The following PGAP4 variants were observed in gnomAD, a reference collection of about 807,000 sequenced individuals.
The protein encoded by PGAP4 is GPI-N-acetylgalactosamine transferase PGAP4.
In PGAP4, 12 loss-of-function variants were observed where a neutral mutation model predicts 28.2. The observed-to-expected ratio is 0.42, with a 90% confidence interval of 0.27 to 0.69. PGAP4 has a LOEUF of 0.69. Ranked by LOEUF, PGAP4 falls within the 30% of genes least tolerant of loss-of-function variation. The pLI, the probability that PGAP4 is intolerant of heterozygous loss-of-function variation, is 0.22. For synonymous variants in PGAP4, 205 were observed against 211.8 expected (o/e 0.97, Z 0.28); for missense variants, 425 against 513.5 (o/e 0.83, Z 1.67).
intron 2 of PGAP4, among the ~76,000 whole-genome samples, chr9:101,515,296 C>T (rs937959331): frequency 6.6e-6 from 1 of 152,262 alleles, no homozygotes; most frequent in South Asian, 2.1e-4. Context: ...ATTACATCAC[C>T]TCTTTCTTCT....
At chr9:101,495,881 G>A (rs942930482) in intron 2 of PGAP4, among the ~76,000 whole-genome samples, 2 of 151,126 alleles carry the variant, frequency 1.3e-5, no homozygotes, top group Non-Finnish European at 3.0e-5. Flanking sequence ...CCCATAGTGT[G>A]ATTACGTTTC....
intron 2 of PGAP4, among the ~76,000 whole-genome samples, chr9:101,519,325 T>A (rs796391935): frequency 1.4e-4 from 21 of 152,244 alleles, no homozygotes; most frequent in African/African-American, 4.8e-4. Context: ...GCCCAGCTAA[T>A]TTTTTTGTAT....
intron 2 of PGAP4, among the ~76,000 whole-genome samples, chr9:101,500,526 A>G (rs560624904): frequency 2.2e-4 from 31 of 143,844 alleles, no homozygotes; most frequent in Admixed American, 5.6e-4. Context: ...CATTTGCAAG[A>G]CTTGTTTTTT....
chr9:101,521,549 G>T (rs986201560), intron 2 of PGAP4, among the ~76,000 whole-genome samples: 1 of 152,092 alleles, frequency 6.6e-6, no homozygotes, highest in African/African-American at 2.4e-5. Context: ...AGTGGTGTCA[G>T]TTGTAATATC....
intron 2 of PGAP4, among the ~76,000 whole-genome samples, chr9:101,521,954 T>C (rs1167835587): frequency 6.6e-6 from 1 of 152,214 alleles, no homozygotes; most frequent in African/African-American, 2.4e-5. Context: ...ATTTCCATCT[T>C]GATTTCATTT....
At chr9:101,526,636 A>T (rs1318099425) in intron 2 of PGAP4, among the ~76,000 whole-genome samples, 1 of 152,010 alleles carries the variant, frequency 6.6e-6, no homozygotes, top group Non-Finnish European at 1.5e-5. Context: ...TTTAGTAGAG[A>T]TGGGGTTTCA....
intron 2 of PGAP4, among the ~76,000 whole-genome samples, chr9:101,521,163 A>G (rs1241019596): frequency 1.3e-5 from 2 of 152,134 alleles, no homozygotes; most frequent in African/African-American, 2.4e-5. Context: ...CATCAAGGAT[A>G]TCAGTCTGTA....
At chr9:101,500,961 C>T (rs1273103055) in intron 2 of PGAP4, among the ~76,000 whole-genome samples, 1 of 152,048 alleles carries the variant, frequency 6.6e-6, no homozygotes, top group African/African-American at 2.4e-5. Flanking sequence ...TCCTTAAATT[C>T]TATTCCAGTG....
chr9:101,477,749 T>C (rs1240436167), intron 1 of PGAP4, among the ~76,000 whole-genome samples: 1 of 152,260 alleles, frequency 6.6e-6, no homozygotes, highest in Non-Finnish European at 1.5e-5. Flanking sequence ...ACAACTATAC[T>C]TAACATTGCA....
chr9:101,489,653 T>C (rs1032553768), upstream of PGAP4, among the ~76,000 whole-genome samples: 1 of 152,126 alleles, frequency 6.6e-6, no homozygotes, highest in Non-Finnish European at 1.5e-5. Context: ...TGCCATCTTA[T>C]CTCCTGCTAG....
At chr9:101,525,746 G>A (rs1438184040) in intron 2 of PGAP4, among the ~76,000 whole-genome samples, 3 of 144,266 alleles carry the variant, frequency 2.1e-5, no homozygotes, top group South Asian at 2.3e-4. Context: ...GAAAATAAAT[G>A]TTATGCATAT....
At chr9:101,513,238 C>G (rs987574298) in intron 2 of PGAP4, among the ~76,000 whole-genome samples, 1 of 152,128 alleles carries the variant, frequency 6.6e-6, no homozygotes, top group Non-Finnish European at 1.5e-5. Flanking sequence ...TCTGCAATTG[C>G]TCATAAACCT....
intron 1 of PGAP4, among the ~76,000 whole-genome samples, chr9:101,477,835 T>C (rs558567547): frequency 3.1e-4 from 47 of 152,058 alleles, no homozygotes; most frequent in African/African-American, 1.1e-3. Flanking sequence ...GTATTTCCCA[T>C]AAGCAAGCAA....
chr9:101,508,157 A>G (rs543216417), intron 2 of PGAP4, among the ~76,000 whole-genome samples: 2 of 142,066 alleles, frequency 1.4e-5, no homozygotes, highest in African/African-American at 5.3e-5. Flanking sequence ...ATGGATCTTA[A>G]TGTTAAAGAT....
At chr9:101,492,833 C>T (rs532133765) in intron 2 of PGAP4, among the ~76,000 whole-genome samples, 14 of 152,050 alleles carry the variant, frequency 9.2e-5, no homozygotes, top group Non-Finnish European at 1.8e-4. Flanking sequence ...TGTCTTTTTG[C>T]TTCAGGAGTT....
rs1436503435 is a variant in PGAP4, at chr9:101,495,190, A to G, written c.-164-5990T>C. Among the ~76,000 whole-genome samples the G allele has an allele frequency of 6.1e-5, 6 of 98,060 alleles. No homozygotes were observed. The East Asian group carries it at 1.6e-3, about 26-fold the overall frequency. 64.3% of individuals were successfully genotyped at this position (98,060 alleles called of 152,430 possible). On this transcript the variant is annotated intron_variant, in intron 2 of 3. Transcript: ENST00000374851. ...TATATATTATATATATTTTTTGTAT[A>G]ATATAAAATATATCTTATATATTTT...
chr9:101,479,414 A>C (rs545712897), intron 1 of PGAP4, among the ~76,000 whole-genome samples: 2 of 152,346 alleles, frequency 1.3e-5, no homozygotes, highest in African/African-American at 4.8e-5. Flanking sequence ...AGACAATGAG[A>C]TAGGGCAGGC....
chr9:101,521,288 G>T (rs374937031), intron 2 of PGAP4, among the ~76,000 whole-genome samples: 122 of 152,216 alleles, frequency 8.0e-4, no homozygotes, highest in African/African-American at 2.8e-3. Flanking sequence ...CAAAAGGATT[G>T]GTGCCAATTC....
intron 2 of PGAP4, among the ~76,000 whole-genome samples, chr9:101,494,817 T>C (rs12004570): frequency 0.085 from 12,850 of 151,586 alleles, 835 homozygotes; most frequent in Admixed American, 0.14. Flanking sequence ...CTAGTTATTT[T>C]TACTGTATGT....
Sources: gnomAD v4.1 joint callset for allele counts (sites outside exome capture counted in the v4.1 genomes callset) on GRCh38, gnomAD v4.1.1 for gene constraint, MANE v1.5 for transcripts, NCBI Gene and HGNC (gene_info 2026-07-23, HGNC 2026-07-21) for gene names.